LMTK2: variants seen among roughly 807,000 people sequenced by gnomAD.
LMTK2 encodes serine/threonine-protein kinase LMTK2.
A neutral mutation model predicts 127.5 loss-of-function variants in LMTK2; 37 were observed. The ratio of observed to expected loss-of-function variants is 0.29; its 90% CI spans 0.22 to 0.38. The LOEUF (loss-of-function observed/expected upper bound fraction) is 0.38, where lower values mean the gene tolerates loss of function less well. LMTK2 is among the 10% of genes least tolerant of loss of function. The pLI, the probability that LMTK2 is intolerant of heterozygous loss-of-function variation, is 1.00. For missense variants in LMTK2, 1,694 were observed against 1,920.3 expected (o/e 0.88, Z 2.20); for synonymous variants, 819 against 810.1 (o/e 1.01, Z -0.19).
At position 98,194,845 on chromosome 7, in the gene LMTK2, C is replaced by G. The variant is rs1035578004; in HGVS notation, c.4107+273C>G. On this transcript the variant is annotated intron_variant, in intron 11 of 13. Transcript: ENST00000297293. This position sits in a 1 kb window ranked among gnomAD's most constrained non-coding sequence, Gnocchi z 5.4. ...CCTGAATTAGTCACCCTTTACACAC[C>G]AAATTTTTACTGTTTTACTTTTTTA... is the stretch of plus-strand genomic sequence containing the variant. Among the ~76,000 whole-genome samples the G allele has an allele frequency of 6.6e-6, 1 of 152,090 alleles. No homozygotes were observed. Among genetic ancestry groups the G allele is most frequent in the Non-Finnish European group, 1.5e-5 (1 of 68,024 alleles).
At chr7:98,163,847 A>T (rs1222968012) in intron 6 of LMTK2, among the ~76,000 whole-genome samples, 1 of 152,198 alleles carries the variant, frequency 6.6e-6, no homozygotes, top group Non-Finnish European at 1.5e-5. Context: ...AAGGGCACAA[A>T]GGGCACAGAG....
chr7:98,186,804 C>T (rs1185805705), intron 8 of LMTK2, 73 bp from the exon 9 acceptor site: 2 of 1,364,540 alleles, frequency 1.5e-6, no homozygotes, highest in Non-Finnish European at 2.0e-6. Flanking sequence ...CTGAGAATAC[C>T]ATGGATTTAA....
intron 3 of LMTK2, among the ~76,000 whole-genome samples, chr7:98,150,808 T>TATAGTGCAG (rs1796842232): frequency 6.6e-6 from 1 of 152,172 alleles, no homozygotes. Context: ...AAATGCAAAT[T>TATAGTGCAG]ATAGTGCAGA....
chr7:98,205,353 CA>C, intron 13 of LMTK2, 110 bp from the exon 14 acceptor site: 1 of 1,370,216 alleles, frequency 7.3e-7, no homozygotes. Context: ...GTGCTGGGCT[CA>C]AAACACCCGC....
At chr7:98,122,353 C>T (rs1796375727) in intron 1 of LMTK2, among the ~76,000 whole-genome samples, 2 of 152,112 alleles carry the variant, frequency 1.3e-5, no homozygotes, top group Non-Finnish European at 2.9e-5. Context: ...TTTCCCAGTT[C>T]TCACCCTCCT....
chr7:98,112,506 C>T (rs543879379), intron 1 of LMTK2, among the ~76,000 whole-genome samples: 7 of 152,338 alleles, frequency 4.6e-5, no homozygotes, highest in Non-Finnish European at 1.0e-4. Flanking sequence ...TCTTCAGTGG[C>T]ACTGGCCACA....
At chr7:98,108,051 T>C (rs1028222590) in intron 1 of LMTK2, among the ~76,000 whole-genome samples, 2 of 151,736 alleles carry the variant, frequency 1.3e-5, no homozygotes, top group Non-Finnish European at 2.9e-5. Context: ...GAAAAAAAAA[T>C]CTAGGCTAAC....
intron 1 of LMTK2, among the ~76,000 whole-genome samples, chr7:98,116,940 C>T (rs550088496): frequency 3.3e-5 from 5 of 152,314 alleles, no homozygotes; most frequent in Non-Finnish European, 4.4e-5. Context: ...GTTTTTCTCA[C>T]GATTAGACTG....
At position 98,171,736 on chromosome 7, in the gene LMTK2, T is replaced by G; in HGVS notation, c.791+62T>G. ...CACCGGCGGGACAGTCCAGAGAGGCTGCCGAGTTTGTGAAACTTAAGGAGG... is the reference window on the plus strand; with the variant it reads ...CACCGGCGGGACAGTCCAGAGAGGCGGCCGAGTTTGTGAAACTTAAGGAGG... On this transcript the variant is annotated intron_variant, in intron 7 of 13. Transcript: ENST00000297293. This position sits in a 1 kb window ranked among gnomAD's most constrained non-coding sequence, Gnocchi z 5.1. 1.8e-5 allele frequency: 26 copies of G among 1,477,998 alleles called. No individual in the cohort carries two copies. Among genetic ancestry groups the G allele is most frequent in the Non-Finnish European group, 2.3e-5 (26 of 1,119,774 alleles). 91.6% of individuals were successfully genotyped at this position (1,477,998 alleles called of 1,614,324 possible). A position where few individuals can be genotyped will look rare whatever the true frequency, so the allele number is the denominator to read the frequency against.
At chr7:98,141,303 T>C in intron 2 of LMTK2, 94 bp from the exon 3 acceptor site, 1 of 1,225,602 alleles carries the variant, frequency 8.2e-7, no homozygotes, top group African/African-American at 1.5e-5. Flanking sequence ...TGGAAAAAAA[T>C]AATTGTGGCA....
chr7:98,199,168 C>T (rs1203111962), intron 11 of LMTK2, among the ~76,000 whole-genome samples: 1 of 151,954 alleles, frequency 6.6e-6, no homozygotes, highest in African/African-American at 2.4e-5. Context: ...CCATGTATAC[C>T]TGAAAGAGTG....
chr7:98,123,831 G>A (rs1796405263), intron 1 of LMTK2, among the ~76,000 whole-genome samples: 1 of 151,984 alleles, frequency 6.6e-6, no homozygotes, highest in African/African-American at 2.4e-5. Flanking sequence ...ATTGTTGGAT[G>A]TTTTGGAATG....
rs1001404645 is a variant in LMTK2 at position 98,128,914 on chromosome 7, T to C, written c.104-8401T>C. Among the ~76,000 whole-genome samples the C allele has an allele frequency of 3.3e-5, 5 of 152,088 alleles. No individual in the cohort carries two copies. In the East Asian group the frequency reaches 9.6e-4, roughly 29 times the overall value. The stretch of plus-strand genomic sequence containing the variant: ...CCTTAGTTAGGCAGCTGAAGCAAAA[T>C]GGGTACATGTTTGTGGGAGTTCTTG... On this transcript the variant is annotated intron_variant, in intron 1 of 13. Transcript: ENST00000297293.
rs577376549 is a variant in LMTK2, at chr7:98,157,983, G to A, written c.570-1355G>A. Among the ~76,000 whole-genome samples, 7 of 152,328 alleles carry A rather than the reference G, an allele frequency of 4.6e-5. No individual in the cohort carries two copies. The South Asian group carries it at 6.2e-4, about 14-fold the overall frequency. On this transcript the variant is annotated intron_variant, in intron 5 of 13. Coordinates refer to ENST00000297293, the MANE Select transcript of LMTK2 (RefSeq NM_014916.4). ...CCCGGGTTTGGGTGTTGCACTGTAC[G>A]TCATTGTGTCAGATGTAACCAACAG...
chr7:98,164,694 T>C (rs1033733412), intron 6 of LMTK2, among the ~76,000 whole-genome samples: 2 of 152,156 alleles, frequency 1.3e-5, no homozygotes, highest in African/African-American at 4.8e-5. Context: ...AGACAGGGGA[T>C]GCTGTGCCCT....
chr7:98,194,155 C>G lies in LMTK2; in HGVS notation c.3690C>G (p.Thr1230=). Residue 1230 remains threonine (T), a synonymous_variant, in exon 11 of 14, where the codon ACC becomes ACG. Coordinates refer to ENST00000297293, the MANE Select transcript of LMTK2 (RefSeq NM_014916.4). This position sits in a 1 kb window ranked among gnomAD's most constrained non-coding sequence, Gnocchi z 5.4. ...DRPCTLASTG[T]NTNELLAYTN... ...CCTGCACCCTCGCTTCCACGGGGAC[C>G]AACACGAACGAACTCCTTGCCTACA... is the stretch of plus-strand genomic sequence containing the variant. 2 of 1,614,000 alleles carry G rather than the reference C, an allele frequency of 1.2e-6. No homozygotes were observed. Among genetic ancestry groups the G allele is most frequent in the Non-Finnish European group, 1.7e-6 (2 of 1,180,030 alleles).
At position 98,137,750 on chromosome 7, in the gene LMTK2, G is replaced by A. The variant is rs116758077; in HGVS notation, c.231+308G>A. On this transcript the variant is annotated intron_variant, in intron 2 of 13. Transcript: ENST00000297293. ...ATCAGCTGTAGTTTGCTCCGCCTCT[G>A]TCATTGACAATAACCACTTGCCTGT... is the stretch of plus-strand genomic sequence containing the variant. Among the ~76,000 whole-genome samples, 1,026 of 152,318 alleles carry A rather than the reference G, an allele frequency of 6.7e-3. 10 individuals are homozygous for A. The highest frequency in any genetic ancestry group is 0.027 in the Middle Eastern group (8 of 294).
intron 2 of LMTK2, among the ~76,000 whole-genome samples, chr7:98,139,357 C>T (rs1796644749): frequency 6.6e-6 from 1 of 152,188 alleles, no homozygotes; most frequent in Admixed American, 6.5e-5. Context: ...TCAAGTGATC[C>T]TCCCGCCTCT....
intron 12 of LMTK2, 51 bp downstream of exon 12, chr7:98,203,757 G>T (rs368109185): frequency 6.2e-7 from 1 of 1,607,700 alleles, no homozygotes; most frequent in East Asian, 2.2e-5. Context: ...ATTGAGTAAT[G>T]TAAAGGTTTT....
Sources: gnomAD v4.1 joint callset for allele counts (sites outside exome capture counted in the v4.1 genomes callset) on GRCh38, gnomAD v4.1.1 for gene constraint, Gnocchi (gnomAD v3.1) non-coding constraint, MANE v1.5 for transcripts, NCBI Gene and HGNC (gene_info 2026-07-23, HGNC 2026-07-21) for gene names.